The following KLHL8 variants were observed in gnomAD, a reference collection of about 807,000 sequenced individuals.
The protein encoded by KLHL8 is kelch like family member 8, also known as kelch-like protein 8.
A neutral mutation model predicts 63.5 loss-of-function variants in KLHL8; 38 were observed. That is an observed-to-expected ratio of 0.60 (90% confidence interval 0.46 to 0.78). The LOEUF (loss-of-function observed/expected upper bound fraction) is 0.78. Ranked by LOEUF, KLHL8 falls within the 30% of genes least tolerant of loss-of-function variation. KLHL8 has a pLI of 0.00. For synonymous variants in KLHL8, 224 were observed against 254.3 expected (o/e 0.88, Z 1.13); for missense variants, 566 against 752.4 (o/e 0.75, Z 2.90).
At chr4:87,200,725 T>G (rs1731888739) in intron 1 of KLHL8, among the ~76,000 whole-genome samples, 1 of 152,152 alleles carries the variant, frequency 6.6e-6, no homozygotes, top group African/African-American at 2.4e-5. Flanking sequence ...ATGGAAACAG[T>G]ATGGATAGTC....
Position 87,226,684 on chromosome 4 carries a change from TAATA to T in KLHL8, n.58-5298_58-5295del, listed in dbSNP as rs1298703369. Among the ~76,000 whole-genome samples, 79 of 10,754 alleles carry T rather than the reference TAATA, an allele frequency of 7.3e-3. 14 individuals are homozygous for T. The highest frequency in any genetic ancestry group is 0.021 in the South Asian group (5 of 238). 7.1% of individuals were successfully genotyped at this position (10,754 alleles called of 152,430 possible). ...ATATATAATATATATTATTTATATA[TAATA>T]TATATATTATTTATATATAATATAT... On this transcript the variant is annotated intron_variant and non_coding_transcript_variant, in intron 1 of 1. Coordinates refer to the KLHL8 transcript ENST00000506274.
At chr4:87,207,162 GA>G in intron 1 of KLHL8, 1 of 565,862 alleles carries the variant, frequency 1.8e-6, no homozygotes, top group Non-Finnish European at 3.4e-6. Flanking sequence ...TTTAACTCTG[GA>G]AAAGTGGATA....
At chr4:87,227,064 T>C (rs1733040266) in intron 1 of KLHL8, among the ~76,000 whole-genome samples, 1 of 133,742 alleles carries the variant, frequency 7.5e-6, no homozygotes, top group South Asian at 2.2e-4. Flanking sequence ...ATTCTCATAA[T>C]AGAGTCAATC....
At chr4:87,237,489 A>T (rs1733252403) in intron 1 of KLHL8, among the ~76,000 whole-genome samples, 1 of 152,188 alleles carries the variant, frequency 6.6e-6, no homozygotes, top group African/African-American at 2.4e-5. Flanking sequence ...AGTTTATTTC[A>T]CTGGAAGTCT....
Position 87,176,778 on chromosome 4 carries a change from TTCA to T in KLHL8, c.1184_1186del (p.Met395del). On this transcript the variant is annotated inframe_deletion, in exon 6 of 10. Coordinates refer to ENST00000273963, the MANE Select transcript of KLHL8 (RefSeq NM_020803.5). Reference sequence around the variant, plus strand: ...CTACCTCTTTGTGTTCATTGATGCCTTCATCATCCATTTATTAGTGAGAGGATC... The same window carrying T: ...CTACCTCTTTGTGTTCATTGATGCCTTCATCCATTTATTAGTGAGAGGATC... The T allele has an allele frequency of 6.3e-7, 1 of 1,585,340 alleles. No homozygotes were observed. The highest frequency in any genetic ancestry group is 8.6e-7 in the Non-Finnish European group (1 of 1,158,204).
At chr4:87,164,127 A>T in intron 8 of KLHL8, 48 bp from the exon 9 acceptor site, 1 of 1,455,120 alleles carries the variant, frequency 6.9e-7, no homozygotes, top group Non-Finnish European at 9.6e-7. Context: ...CTTAGAAATT[A>T]ACTACTAAAT....
Position 87,162,425 on chromosome 4 carries a change from A to C in KLHL8, c.*1094T>G, listed in dbSNP as rs1055211741. Reference sequence around the variant, plus strand: ...CCAGAGGGATTTAAATATGATAAAAACAGTAATTTCAATCTCTGTTTTTAC... The same window carrying C: ...CCAGAGGGATTTAAATATGATAAAACCAGTAATTTCAATCTCTGTTTTTAC... On this transcript the variant is annotated 3_prime_UTR_variant, in exon 10 of 10. Transcript: ENST00000273963. 1 of 152,200 alleles carries C rather than the reference A, an allele frequency of 6.6e-6. No individual in the cohort carries two copies. Among genetic ancestry groups the C allele is most frequent in the African/African-American group, 2.4e-5 (1 of 41,444 alleles). 9.4% of individuals were successfully genotyped at this position (152,200 alleles called of 1,614,324 possible).
At chr4:87,232,501 G>A (rs1733153110) in intron 1 of KLHL8, among the ~76,000 whole-genome samples, 2 of 152,186 alleles carry the variant, frequency 1.3e-5, no homozygotes, top group African/African-American at 4.8e-5. Flanking sequence ...TCGTGTATAT[G>A]TATAAGGGTA....
At chr4:87,191,560 ATT>A (rs1241631519) in intron 2 of KLHL8, among the ~76,000 whole-genome samples, 2 of 151,716 alleles carry the variant, frequency 1.3e-5, no homozygotes, top group Non-Finnish European at 2.9e-5. Context: ...TTAAATTTAT[ATT>A]TTTCTTTTAT....
intron 4 of KLHL8, among the ~76,000 whole-genome samples, chr4:87,181,981 C>T (rs887625221): frequency 6.6e-6 from 1 of 152,082 alleles, no homozygotes; most frequent in Admixed American, 6.5e-5. Flanking sequence ...GTAATCCCAG[C>T]ACTTCGGGAG....
intron 1 of KLHL8, among the ~76,000 whole-genome samples, chr4:87,232,862 G>T (rs1186266873): frequency 6.6e-6 from 1 of 151,062 alleles, no homozygotes; most frequent in Non-Finnish European, 1.5e-5. Context: ...TGTTCAATTT[G>T]TTGGTCCATT....
At chr4:87,207,597 G>A in intron 1 of KLHL8, 1 of 1,218,198 alleles carries the variant, frequency 8.2e-7, no homozygotes, top group Non-Finnish European at 1.2e-6. Flanking sequence ...TTGGTATCGT[G>A]GAAGGACTCA....
At chr4:87,216,284 T>G (rs1732593389) in intron 1 of KLHL8, among the ~76,000 whole-genome samples, 1 of 152,186 alleles carries the variant, frequency 6.6e-6, no homozygotes, top group East Asian at 1.9e-4. Flanking sequence ...ACTTCTAGCT[T>G]TGGAAGAAAA....
chr4:87,222,021 T>A (rs1448270137), upstream of KLHL8, among the ~76,000 whole-genome samples: 2 of 152,144 alleles, frequency 1.3e-5, no homozygotes, highest in African/African-American at 4.8e-5. Context: ...TCAAGGTGTC[T>A]CTTACCTTCC....
chr4:87,179,482 A>G (rs1730965034), intron 4 of KLHL8, among the ~76,000 whole-genome samples: 1 of 152,188 alleles, frequency 6.6e-6, no homozygotes, highest in Admixed American at 6.5e-5. Flanking sequence ...ACACTTAAAA[A>G]TGGTTAAAAT....
chr4:87,178,619 A>G lies in KLHL8; in HGVS notation c.954T>C (p.Gly318=). ...CTCGACCACCTACACAAAACAGCAC[A>G]CCTAAAGGTAAAGCCACAAAATAGA... ...IRTTPRKHTA[G]VLFCVGGRGG... is the part of the protein sequence containing the mutation. Residue 318 remains glycine (G), a splice_region_variant and synonymous_variant, in exon 5 of 10, where the codon GGT becomes GGC. Coordinates refer to ENST00000273963, the MANE Select transcript of KLHL8 (RefSeq NM_020803.5). 7 of 1,563,762 alleles carry G rather than the reference A, an allele frequency of 4.5e-6. No individual in the cohort carries two copies. The highest frequency in any genetic ancestry group is 6.0e-6 in the Non-Finnish European group (7 of 1,161,660).
At chr4:87,202,368 C>T (rs1731953469) in intron 1 of KLHL8, among the ~76,000 whole-genome samples, 1 of 152,120 alleles carries the variant, frequency 6.6e-6, no homozygotes, top group Non-Finnish European at 1.5e-5. Context: ...GATCCACCTG[C>T]CTCAGCCTCC....
intron 1 of KLHL8, among the ~76,000 whole-genome samples, chr4:87,212,642 A>C (rs901731969): frequency 1.3e-5 from 2 of 152,212 alleles, no homozygotes; most frequent in Non-Finnish European, 2.9e-5. Flanking sequence ...CATGTGCTGC[A>C]TATCAGTGTT....
At chr4:87,164,866 A>G (rs1346054998) in intron 8 of KLHL8, among the ~76,000 whole-genome samples, 2 of 152,124 alleles carry the variant, frequency 1.3e-5, no homozygotes, top group Non-Finnish European at 2.9e-5. Context: ...ACAAGGTCAG[A>G]GGCCGGGCGC....
Sources: allele counts gnomAD v4.1 joint callset (sites outside exome capture counted in the v4.1 genomes callset), GRCh38; gene constraint gnomAD v4.1.1; transcripts MANE v1.5; gene names NCBI Gene and HGNC (gene_info 2026-07-23, HGNC 2026-07-21).